FHL2: variants seen among roughly 807,000 people sequenced by gnomAD.
The protein encoded by FHL2 is four and a half LIM domains protein 2.
In FHL2, 20 loss-of-function variants were observed where a neutral mutation model predicts 32.7. That is an observed-to-expected ratio of 0.61 (90% CI 0.43 to 0.89). FHL2 has a LOEUF of 0.89. Ranked by LOEUF, FHL2 falls within the 40% of genes least tolerant of loss-of-function variation. The pLI, the probability that FHL2 is intolerant of heterozygous loss-of-function variation, is 0.00. For synonymous variants in FHL2, 123 were observed against 128.1 expected, an observed-to-expected ratio of 0.96 and a Z score of 0.27; for missense variants, 311 against 358.6, an observed-to-expected ratio of 0.87 and a Z score of 1.07.
chr2:105,420,374 C>T (rs545699127), intron 1 of FHL2, among the ~76,000 whole-genome samples: 2 of 152,278 alleles, frequency 1.3e-5, no homozygotes, highest in African/African-American at 4.8e-5. Flanking sequence ...TTTACAAGGG[C>T]ACCACTCATA....
At chr2:105,406,740 T>A (rs1387697490) in intron 1 of FHL2, among the ~76,000 whole-genome samples, 1 of 152,120 alleles carries the variant, frequency 6.6e-6, no homozygotes, top group African/African-American at 2.4e-5. Context: ...ACTGCAATCC[T>A]GCGCAGGAGA....
chr2:105,422,794 G>C (rs1684143987), intron 1 of FHL2, among the ~76,000 whole-genome samples: 1 of 151,992 alleles, frequency 6.6e-6, no homozygotes, highest in South Asian at 2.1e-4. Flanking sequence ...GAAAAGGATT[G>C]TCTGTATCAG....
chr2:105,402,096 TGTATATATACAC>T (rs1347683158), upstream of FHL2, among the ~76,000 whole-genome samples: 126 of 140,414 alleles, frequency 9.0e-4, 1 homozygote, highest in East Asian at 0.019. Flanking sequence ...TATATATACG[TGTATATATACAC>T]GTATATATAC....
intron 5 of FHL2, among the ~76,000 whole-genome samples, chr2:105,366,984 AATCCACCAGCCTTGGCCTCCCACAGGTG>A (rs1270592093): frequency 3.9e-5 from 6 of 152,104 alleles, no homozygotes; most frequent in Non-Finnish European, 5.9e-5. Flanking sequence ...GACCTAAGGT[AATCCACCAGCCTTGGCCTCCCACAGGTG>A]ATCCACCAGC....
chr2:105,367,559 A>G lies in FHL2; in HGVS notation c.501+11T>C. On this transcript the variant is annotated intron_variant, in intron 5 of 6. Transcript: ENST00000530340. The stretch of plus-strand genomic sequence containing the variant: ...CAGAACGTGCAAGGGCCAAGGGGGC[A>G]TCTGAGATACCTTTTTGCACTGAAC... The G allele has an allele frequency of 6.2e-7, 1 of 1,607,196 alleles. No homozygotes were observed. The highest frequency in any genetic ancestry group is 1.1e-5 in the South Asian group (1 of 90,210).
chr2:105,369,515 T>C (rs893599104), intron 4 of FHL2, among the ~76,000 whole-genome samples: 9 of 152,126 alleles, frequency 5.9e-5, no homozygotes, highest in African/African-American at 2.2e-4. Context: ...GGGCAATGTG[T>C]GAGAGGGAAT....
intron 1 of FHL2, among the ~76,000 whole-genome samples, chr2:105,416,400 C>T (rs72836931): frequency 0.1 from 15,843 of 152,192 alleles, 1,410 homozygotes; most frequent in East Asian, 0.48. Context: ...GAAGGAAATG[C>T]AACCTTATAC....
At chr2:105,363,743 G>A (rs1680442323) in intron 5 of FHL2, among the ~76,000 whole-genome samples, 1 of 152,184 alleles carries the variant, frequency 6.6e-6, no homozygotes, top group South Asian at 2.1e-4. Context: ...TAAGGCATAG[G>A]GTGCCTCAGT....
In FHL2 at chr2:105,391,098, G is replaced by T. The variant is rs61080320; in HGVS notation, c.-24-4558C>A. On this transcript the variant is annotated intron_variant, in intron 2 of 6. Coordinates refer to ENST00000530340, the MANE Select transcript of FHL2 (RefSeq NM_001318895.3). ...TCCGCCTGCCTTGGCCTCCTAAAGT[G>T]CTAGGATTACAGTCATGAGCCACTT... is the stretch of plus-strand genomic sequence containing the variant. Among the ~76,000 whole-genome samples, 914 of 152,020 alleles carry T rather than the reference G, an allele frequency of 6.0e-3. 19 individuals are homozygous for T. In the East Asian group the frequency reaches 0.075, roughly 13 times the overall value.
intron 4 of FHL2, among the ~76,000 whole-genome samples, chr2:105,370,941 T>C (rs1681019044): frequency 6.6e-6 from 1 of 152,112 alleles, no homozygotes; most frequent in African/African-American, 2.4e-5. Context: ...TGTAGCTGTG[T>C]TGTTATTATT....
At chr2:105,425,715 CAT>C (rs1461576019) in intron 1 of FHL2, among the ~76,000 whole-genome samples, 5 of 152,088 alleles carry the variant, frequency 3.3e-5, no homozygotes, top group African/African-American at 4.8e-5. Context: ...TGGAGAGAAA[CAT>C]AAATCTGGCT....
intron 3 of FHL2, among the ~76,000 whole-genome samples, chr2:105,380,896 C>T (rs994014707): frequency 1.3e-5 from 2 of 152,194 alleles, no homozygotes; most frequent in Admixed American, 1.3e-4. Flanking sequence ...CGATTAGGCC[C>T]ACACACTTCC....
chr2:105,433,340 C>G (rs1158651029), intron 1 of FHL2, among the ~76,000 whole-genome samples: 4 of 151,982 alleles, frequency 2.6e-5, no homozygotes, highest in Non-Finnish European at 5.9e-5. Context: ...TCCACCATGC[C>G]CAGCTAATTT....
At chr2:105,379,373 TC>T (rs1177061566) in intron 3 of FHL2, among the ~76,000 whole-genome samples, 4 of 152,172 alleles carry the variant, frequency 2.6e-5, no homozygotes, top group Non-Finnish European at 4.4e-5. Context: ...ATGAAGACAG[TC>T]CTATCAATGA....
chr2:105,360,136 A>G (rs1381789869), downstream of FHL2: 1 of 152,022 alleles, frequency 6.6e-6, no homozygotes, highest in Non-Finnish European at 1.5e-5. Context: ...CCCCATCTCT[A>G]CTAAAAATAC....
intron 4 of FHL2, among the ~76,000 whole-genome samples, chr2:105,369,174 C>T (rs112092545): frequency 6.6e-6 from 1 of 152,224 alleles, no homozygotes; most frequent in African/African-American, 2.4e-5. Flanking sequence ...CATGTGACTT[C>T]AACTGGGGGT....
chr2:105,369,704 T>C (rs17030826), intron 4 of FHL2, among the ~76,000 whole-genome samples: 23,329 of 152,272 alleles, frequency 0.15, 2,186 homozygotes, highest in South Asian at 0.22. Flanking sequence ...TGCATACTTT[T>C]GTCACTTGCT....
chr2:105,420,052 C>T (rs1226535662), intron 1 of FHL2, among the ~76,000 whole-genome samples: 3 of 152,112 alleles, frequency 2.0e-5, no homozygotes, highest in African/African-American at 2.4e-5. Flanking sequence ...GATAAGCCAC[C>T]CAATGCCCCA....
chr2:105,365,073 G>A (rs745729313), intron 5 of FHL2, among the ~76,000 whole-genome samples: 1 of 152,042 alleles, frequency 6.6e-6, no homozygotes, highest in Admixed American at 6.6e-5. Flanking sequence ...CCCTTGCTCC[G>A]GATTCCATGC....
Sources: allele counts gnomAD v4.1 joint callset (sites outside exome capture counted in the v4.1 genomes callset), GRCh38; gene constraint gnomAD v4.1.1; transcripts MANE v1.5; gene names NCBI Gene and HGNC (gene_info 2026-07-23, HGNC 2026-07-21).